The following GPR35 variants were observed in gnomAD, a reference collection of about 807,000 sequenced individuals.
GPR35 encodes the protein G protein-coupled receptor 35.
For synonymous variants in GPR35, 207 were observed against 198.4 expected (o/e 1.04, Z -0.36); for missense variants, 372 against 422.5 (o/e 0.88, Z 1.05).
At chr2:240,623,496 AGGGTGCAAACAGGTCG>A, upstream of GPR35, among the ~76,000 whole-genome samples, 1 of 144,272 alleles carries the variant, frequency 6.9e-6, no homozygotes, top group Non-Finnish European at 1.5e-5. Context: ...ACAGGTCGTG[AGGGTGCAAACAGGTCG>A]TGAGGGTGCA....
chr2:240,613,773 A>G (rs1002004637), intron 2 of GPR35, among the ~76,000 whole-genome samples: 2 of 151,704 alleles, frequency 1.3e-5, no homozygotes, highest in Admixed American at 1.3e-4. Context: ...CGAAACCCTA[A>G]CTCTAACCCT....
At chr2:240,621,291 A>G (rs4234122), upstream of GPR35, among the ~76,000 whole-genome samples, 57,928 of 152,042 alleles carry the variant, frequency 0.38, 11,377 homozygotes, top group Admixed American at 0.46. Flanking sequence ...GTCTCCCTCT[A>G]TCGCCCAGGC....
At chr2:240,617,416 G>C (rs182989662) in intron 4 of GPR35, 5 of 605,662 alleles carry the variant, frequency 8.3e-6, no homozygotes, top group Non-Finnish European at 1.5e-5. Context: ...TGTAGCAATA[G>C]GTAGCTGACA....
chr2:240,610,954 A>G (rs1157780251), intron 2 of GPR35, among the ~76,000 whole-genome samples: 5 of 147,988 alleles, frequency 3.4e-5, no homozygotes, highest in African/African-American at 5.0e-5. Context: ...TTTTTTTGAG[A>G]TGAGGTCTCA....
At chr2:240,614,027 TAAC>T (rs1191765447) in intron 2 of GPR35, among the ~76,000 whole-genome samples, 1 of 147,284 alleles carries the variant, frequency 6.8e-6, no homozygotes, top group Admixed American at 6.7e-5. Flanking sequence ...TAAACCTAAT[TAAC>T]AATGCCTCAT....
At chr2:240,623,872 C>T (rs72996930), upstream of GPR35, among the ~76,000 whole-genome samples, 7,942 of 152,292 alleles carry the variant, frequency 0.052, 281 homozygotes, top group South Asian at 0.11. Context: ...GGCTTCCCTT[C>T]CAGTGTGTGA....
At chr2:240,610,256 C>G (rs2043169853) in intron 2 of GPR35, among the ~76,000 whole-genome samples, 1 of 152,182 alleles carries the variant, frequency 6.6e-6, no homozygotes, top group Admixed American at 6.5e-5. Context: ...ACACGCTGGT[C>G]CGTGAAATGT....
upstream of GPR35, chr2:240,625,320 C>G: frequency 1.0e-6 from 1 of 985,588 alleles, no homozygotes; most frequent in Non-Finnish European, 1.2e-6. Context: ...CCCCACTTCC[C>G]TCCCAGAAAT....
chr2:240,608,241 CT>C (rs1282864257), intron 2 of GPR35, among the ~76,000 whole-genome samples: 1 of 152,162 alleles, frequency 6.6e-6, no homozygotes, highest in Admixed American at 6.5e-5. Context: ...GGTAATTTTA[CT>C]TCTTCCTTTT....
intron 1 of GPR35, among the ~76,000 whole-genome samples, 170 bp downstream of exon 1, chr2:240,625,738 C>CG (rs1559438587): frequency 3.2e-5 from 1 of 31,056 alleles, no homozygotes; most frequent in African/African-American, 1.2e-4. Context: ...GAGGCTGTGA[C>CG]AGGGTCTCAG....
intron 3 of GPR35, among the ~76,000 whole-genome samples, chr2:240,616,726 T>C (rs939473156): frequency 1.0e-5 from 1 of 96,792 alleles, no homozygotes; most frequent in African/African-American, 4.3e-5. Flanking sequence ...TACTCACTTA[T>C]AACAAACAAT....
rs977866446 is a variant in GPR35 at position 240,620,331 on chromosome 2, C to T, written c.-5+1300C>T. On this transcript the variant is annotated intron_variant, in intron 5 of 5. Transcript: ENST00000319838. ...TCTCCCTGCTGGTGGCCAGATGCCT[C>T]GACACCCCATAGGCTGGGTGAAGGT... Among the ~76,000 whole-genome samples, 12 of 152,126 alleles carry T rather than the reference C, an allele frequency of 7.9e-5. No homozygotes were observed. The East Asian group carries it at 9.7e-4, about 12-fold the overall frequency.
At chr2:240,616,878 G>C (rs2043244690) in intron 3 of GPR35, 1 of 734,450 alleles carries the variant, frequency 1.4e-6, no homozygotes, top group Admixed American at 1.9e-5. Flanking sequence ...GTGCTGCCCT[G>C]TGAAGAGGCA....
At position 240,631,089 on chromosome 2, in the gene GPR35, G is replaced by T; in HGVS notation, c.*207G>T. On this transcript the variant is annotated 3_prime_UTR_variant, in exon 2 of 2. Coordinates refer to ENST00000407714, the MANE Select transcript of GPR35 (RefSeq NM_005301.5). ...CAGGGACAAGGGCAAGAGGACTGAG[G>T]CCAGAGCAAGGCCAATGTCAGAGAC... 1.7e-6 allele frequency: 1 copy of T among 604,478 alleles called. No individual in the cohort carries two copies. Among genetic ancestry groups the T allele is most frequent in the Non-Finnish European group, 3.0e-6 (1 of 331,964 alleles). The allele number at this position is 604,478 out of a possible 1,614,324, so 37.4% of individuals were successfully genotyped here.
chr2:240,620,554 C>T (rs576083699), upstream of GPR35, among the ~76,000 whole-genome samples: 11 of 152,198 alleles, frequency 7.2e-5, no homozygotes, highest in East Asian at 2.1e-3. Context: ...CATCGTGGTC[C>T]TCTCAGGGCC....
upstream of GPR35, among the ~76,000 whole-genome samples, chr2:240,623,674 G>A (rs111688257): frequency 3.4e-4 from 52 of 152,236 alleles, no homozygotes; most frequent in South Asian, 6.2e-4. Context: ...AAGTGCCTGC[G>A]GAGACAGCCA....
chr2:240,630,402 T>C lies in GPR35; in HGVS notation c.450T>C (p.Ala150=). 1 of 1,611,906 alleles carries C rather than the reference T, an allele frequency of 6.2e-7. No individual in the cohort carries two copies. Among genetic ancestry groups the C allele is most frequent in the Non-Finnish European group, 8.5e-7 (1 of 1,179,868 alleles). Residue 150 remains alanine, a synonymous_variant, in exon 2 of 2, where the codon GCT becomes GCC. Coordinates refer to ENST00000407714, the MANE Select transcript of GPR35 (RefSeq NM_005301.5). The part of the protein sequence containing the change: ...LWVLVIGSLV[A]RWLLGIQEGG... ...TGCTGGTCATCGGCTCCCTGGTGGC[T>C]CGCTGGCTCCTGGGGATTCAGGAGG...
At position 240,630,916 on chromosome 2, in the gene GPR35, G is replaced by A. The variant is rs760379738; in HGVS notation, c.*34G>A. 1.4e-5 allele frequency: 22 copies of A among 1,560,370 alleles called. No individual in the cohort carries two copies. Among genetic ancestry groups the A allele is most frequent in the South Asian group, 7.9e-5 (7 of 88,258 alleles). On this transcript the variant is annotated 3_prime_UTR_variant, in exon 2 of 2. Transcript: ENST00000407714. ...CTGTGGGCGCTGTGGGCCAGGTCTC[G>A]GGGGCTCCGGGAGGTGCTGCCTGCC...
At chr2:240,629,912 A>G (rs2975785) in intron 1 of GPR35, 37 bp from the exon 2 acceptor site, 830,711 of 1,543,906 alleles carry the variant, frequency 0.54, 231,080 homozygotes, top group South Asian at 0.76. Context: ...CCCCCTGCTC[A>G]CTCTCTGCTG....
Sources: allele counts gnomAD v4.1 joint callset (sites outside exome capture counted in the v4.1 genomes callset), GRCh38; gene constraint gnomAD v4.1.1; transcripts MANE v1.5; gene names NCBI Gene and HGNC (gene_info 2026-07-23, HGNC 2026-07-21).